The following KIF13B variants were observed in gnomAD, a reference collection of about 807,000 sequenced individuals.
The protein encoded by KIF13B is kinesin-like protein KIF13B.
A neutral mutation model predicts 222.0 loss-of-function variants in KIF13B; 127 were observed. That is an observed-to-expected ratio of 0.57 (90% CI 0.50 to 0.66). The LOEUF is 0.66. Among genes scored for constraint, KIF13B ranks in the 30% least tolerant of loss-of-function variants. The pLI is 0.00. For synonymous variants in KIF13B, 976 were observed against 919.0 expected, an observed-to-expected ratio of 1.06 and a Z score of -1.12; for missense variants, 2,173 against 2,379.0, an observed-to-expected ratio of 0.91 and a Z score of 1.80.
At chr8:29,143,270 G>T (rs922248341) in intron 18 of KIF13B, among the ~76,000 whole-genome samples, 2 of 152,214 alleles carry the variant, frequency 1.3e-5, no homozygotes, top group Non-Finnish European at 2.9e-5. Flanking sequence ...TATCAATGGG[G>T]AGAGAGGGAA....
rs1809173675 is a variant in KIF13B, at chr8:29,107,996, C to T, written c.4215+143G>A. ...ATTGGCAAATTAAAAGAAATGAACTCTAAAACACTTTCAAGTAAGTTTCAC... is the reference window on the plus strand; with the variant it reads ...ATTGGCAAATTAAAAGAAATGAACTTTAAAACACTTTCAAGTAAGTTTCAC... On this transcript the variant is annotated intron_variant, in intron 35 of 39. Transcript: ENST00000524189. 4.4e-6 allele frequency: 3 copies of T among 683,134 alleles called. 1 individual carries two copies. Among genetic ancestry groups the T allele is most frequent in the African/African-American group, 3.6e-5 (2 of 55,048 alleles). The allele number at this position is 683,134 out of a possible 1,614,324, so 42.3% of individuals were successfully genotyped here. A position where few individuals can be genotyped will look rare whatever the true frequency, so the allele number is the denominator to read the frequency against.
intron 8 of KIF13B, 59 bp downstream of exon 8, chr8:29,180,045 A>T: frequency 6.3e-7 from 1 of 1,595,688 alleles, no homozygotes; most frequent in South Asian, 1.1e-5. Flanking sequence ...AAGAGGAAAA[A>T]AATAAAACCA....
intron 28 of KIF13B, 102 bp from the exon 29 acceptor site, chr8:29,122,748 A>T: frequency 1.1e-6 from 1 of 894,436 alleles, no homozygotes; most frequent in Admixed American, 2.1e-5. Flanking sequence ...TACAGGGCAA[A>T]GCAGTAATAA....
intron 2 of KIF13B, among the ~76,000 whole-genome samples, chr8:29,227,786 CA>C (rs1024973625): frequency 6.6e-6 from 1 of 151,926 alleles, no homozygotes; most frequent in Non-Finnish European, 1.5e-5. Flanking sequence ...CAAAAATCTA[CA>C]AAAAACTTGA....
chr8:29,188,854 T>G (rs1813057025), intron 4 of KIF13B, among the ~76,000 whole-genome samples: 1 of 152,212 alleles, frequency 6.6e-6, no homozygotes, highest in Non-Finnish European at 1.5e-5. Flanking sequence ...TCCCCTGCAA[T>G]GCAGAGCCAA....
chr8:29,102,774 C>T (rs191577664), intron 35 of KIF13B, among the ~76,000 whole-genome samples: 11 of 152,332 alleles, frequency 7.2e-5, no homozygotes, highest in Admixed American at 4.6e-4. Context: ...GAAACCATCA[C>T]GGCTTTCAGG....
In KIF13B at chr8:29,195,286, CA is replaced by C. The variant is rs1217783225; in HGVS notation, c.162+900del. Among the ~76,000 whole-genome samples, 7 of 152,170 alleles carry C rather than the reference CA, an allele frequency of 4.6e-5. No individual in the cohort carries two copies. In the East Asian group the frequency reaches 1.4e-3, roughly 29 times the overall value. ...AAATAAGAAAACGAAAATAATCCAGCACCTTTTCAGTAGAAAAGATGAGAGA... is the reference window on the plus strand; with the variant it reads ...AAATAAGAAAACGAAAATAATCCAGCCCTTTTCAGTAGAAAAGATGAGAGA... On this transcript the variant is annotated intron_variant, in intron 3 of 39. Coordinates refer to ENST00000524189, the MANE Select transcript of KIF13B (RefSeq NM_015254.4).
chr8:29,218,238 A>G (rs896619217), intron 2 of KIF13B, among the ~76,000 whole-genome samples: 1 of 152,194 alleles, frequency 6.6e-6, no homozygotes, highest in African/African-American at 2.4e-5. Context: ...AATTTAGCCC[A>G]GTGCCTGCCA....
intron 18 of KIF13B, among the ~76,000 whole-genome samples, chr8:29,145,109 G>T (rs529412683): frequency 6.6e-6 from 1 of 152,086 alleles, no homozygotes; most frequent in South Asian, 2.1e-4. Context: ...CTTCCTCTTC[G>T]GTTTTTGGTG....
At chr8:29,188,017 T>C (rs1458786292) in intron 5 of KIF13B, among the ~76,000 whole-genome samples, 1 of 152,204 alleles carries the variant, frequency 6.6e-6, no homozygotes, top group Middle Eastern at 3.2e-3. Context: ...CTTGAAAATA[T>C]CCAACACATT....
chr8:29,188,506 T>G lies in KIF13B; in HGVS notation c.316+9A>C. On this transcript the variant is annotated intron_variant, in intron 5 of 39. Transcript: ENST00000524189. ...GTTGTTTATGTGATTTCATGTTATT[T>G]AACATTACCAGTCTGTCCATAGGCA... The G allele has an allele frequency of 6.6e-7, 1 of 1,519,564 alleles. No individual in the cohort carries two copies. Among genetic ancestry groups the G allele is most frequent in the Non-Finnish European group, 9.1e-7 (1 of 1,101,214 alleles). 94.1% of individuals were successfully genotyped at this position (1,519,564 alleles called of 1,614,324 possible). A position where few individuals can be genotyped will look rare whatever the true frequency, so the allele number is the denominator to read the frequency against.
intron 1 of KIF13B, among the ~76,000 whole-genome samples, chr8:29,246,835 A>G (rs1046775992): frequency 1.3e-5 from 2 of 152,200 alleles, no homozygotes; most frequent in Admixed American, 1.3e-4. Flanking sequence ...AACGATGCCA[A>G]AACAACCCAA....
chr8:29,164,851 GT>G (rs754177287), intron 12 of KIF13B, among the ~76,000 whole-genome samples: 482 of 139,926 alleles, frequency 3.4e-3, no homozygotes, highest in Middle Eastern at 0.011. Context: ...ACCCTAACGT[GT>G]TTTTTTTTTT....
At chr8:29,173,364 G>T (rs956976629) in intron 10 of KIF13B, among the ~76,000 whole-genome samples, 4 of 151,624 alleles carry the variant, frequency 2.6e-5, no homozygotes, top group Non-Finnish European at 5.9e-5. Flanking sequence ...ACTCACAACT[G>T]TAATCCTGGC....
chr8:29,147,724 T>C (rs1811121685), intron 16 of KIF13B, 122 bp from the exon 17 acceptor site: 1 of 736,530 alleles, frequency 1.4e-6, no homozygotes, highest in Admixed American at 2.6e-5. Flanking sequence ...TTAAAGACAA[T>C]TTGGCATAAA....
intron 1 of KIF13B, 116 bp downstream of exon 1, chr8:29,262,864 C>A (rs925452884): frequency 1.7e-4 from 130 of 762,422 alleles, no homozygotes; most frequent in Non-Finnish European, 2.3e-4. Context: ...CCCCTCCTCG[C>A]GCCCCGCCGC....
intron 1 of KIF13B, among the ~76,000 whole-genome samples, chr8:29,253,853 A>C (rs1338755617): frequency 6.7e-6 from 1 of 149,806 alleles, no homozygotes; most frequent in Non-Finnish European, 1.5e-5. Context: ...AAAAAAAAAA[A>C]AACCCGCTTA....
Position 29,081,092 on chromosome 8 carries a change from G to A in KIF13B, c.4459-5749C>T, listed in dbSNP as rs558147749. Among the ~76,000 whole-genome samples, 68 of 152,286 alleles carry A rather than the reference G, an allele frequency of 4.5e-4. 2 individuals are homozygous for A. Among genetic ancestry groups the A allele is most frequent in the African/African-American group, 1.4e-3 (60 of 41,550 alleles). On this transcript the variant is annotated intron_variant, in intron 37 of 39. Transcript: ENST00000524189. ...CCTGCATGGTGTATTTCTGCGGCTC[G>A]ATCCGTCCCTCCTGCAAACGCTCTA...
rs1807275252 is a variant in KIF13B, at chr8:29,071,562, G to A, written c.5218+58C>T. 8.2e-6 allele frequency: 12 copies of A among 1,462,162 alleles called. No individual in the cohort carries two copies. Among genetic ancestry groups the A allele is most frequent in the South Asian group, 7.3e-5 (6 of 82,136 alleles). The allele number at this position is 1,462,162 out of a possible 1,614,324, so 90.6% of individuals were successfully genotyped here. A position where few individuals can be genotyped will look rare whatever the true frequency, so the allele number is the denominator to read the frequency against. On this transcript the variant is annotated intron_variant, in intron 39 of 39. Transcript: ENST00000524189. This position sits in a 1 kb window ranked among gnomAD's most constrained non-coding sequence, Gnocchi z 4.9. ...CCCTGTCCCCTCCCAGGCCGGCCACGTTCCTGCTTCCCCAGACCCCCGGCA... is the reference window on the plus strand; with the variant it reads ...CCCTGTCCCCTCCCAGGCCGGCCACATTCCTGCTTCCCCAGACCCCCGGCA...
Sources: allele counts gnomAD v4.1 joint callset (sites outside exome capture counted in the v4.1 genomes callset), GRCh38; gene constraint gnomAD v4.1.1; non-coding constraint Gnocchi (gnomAD v3.1); transcripts MANE v1.5; gene names NCBI Gene and HGNC (gene_info 2026-07-23, HGNC 2026-07-21).